RSU1: variants seen among roughly 807,000 people sequenced by gnomAD.
RSU1 encodes rsu-1.
A neutral mutation model predicts 31.1 loss-of-function variants in RSU1; 26 were observed. That is an observed-to-expected ratio of 0.84 (90% CI 0.61 to 1.16). The LOEUF (loss-of-function observed/expected upper bound fraction) is 1.16. Ranked by LOEUF, RSU1 falls within the 50% of genes most tolerant of loss-of-function variation. The pLI is 0.00. For missense variants in RSU1, 320 were observed against 339.1 expected, an observed-to-expected ratio of 0.94 and a Z score of 0.44; for synonymous variants, 164 against 136.3, an observed-to-expected ratio of 1.20 and a Z score of -1.41.
At chr10:16,627,182 G>A (rs1041362009) in intron 8 of RSU1, among the ~76,000 whole-genome samples, 2 of 152,158 alleles carry the variant, frequency 1.3e-5, no homozygotes, top group Non-Finnish European at 2.9e-5. Context: ...TAGATTCGCA[G>A]GATTTCTATG....
At chr10:16,737,541 T>C (rs1392760379) in intron 7 of RSU1, among the ~76,000 whole-genome samples, 2 of 151,722 alleles carry the variant, frequency 1.3e-5, no homozygotes, top group Non-Finnish European at 2.9e-5. Flanking sequence ...AATAAAAATA[T>C]TTCAGATAAA....
At chr10:16,742,473 C>T (rs904371378) in intron 7 of RSU1, among the ~76,000 whole-genome samples, 1 of 151,918 alleles carries the variant, frequency 6.6e-6, no homozygotes, top group Non-Finnish European at 1.5e-5. Flanking sequence ...TCAGTATAAC[C>T]TTGCTTTTTT....
At chr10:16,644,924 C>G (rs17138928) in intron 8 of RSU1, among the ~76,000 whole-genome samples, 5,811 of 152,094 alleles carry the variant, frequency 0.038, 325 homozygotes, top group East Asian at 0.19. Context: ...TCCAGAAAAC[C>G]CTATATTCCT....
At chr10:16,684,650 G>A (rs546352731) in intron 8 of RSU1, among the ~76,000 whole-genome samples, 7 of 152,256 alleles carry the variant, frequency 4.6e-5, no homozygotes, top group African/African-American at 1.7e-4. Context: ...CAATCCTGCT[G>A]ACACCTTGAT....
Position 16,663,109 on chromosome 10 carries a change from G to A in RSU1, c.731+31914C>T, listed in dbSNP as rs997691187. 3.3e-5 allele frequency among the ~76,000 whole-genome samples: 5 copies of A among 152,214 alleles called. No individual in the cohort carries two copies. The Middle Eastern group carries it at 0.01, about 311-fold the overall frequency. On this transcript the variant is annotated intron_variant, in intron 8 of 8. Coordinates refer to ENST00000345264, the MANE Select transcript of RSU1 (RefSeq NM_012425.4). ...TCTCAGATGGGTGCTTTCCCTTCAC[G>A]TTGCCTGAACACCTTTAAATATCTT...
At chr10:16,730,272 C>T (rs1306033200) in intron 7 of RSU1, among the ~76,000 whole-genome samples, 1 of 152,172 alleles carries the variant, frequency 6.6e-6, no homozygotes, top group African/African-American at 2.4e-5. Flanking sequence ...GCCCAACCTC[C>T]AGCACTGGGG....
chr10:16,608,110 C>G (rs1418524212), intron 8 of RSU1, among the ~76,000 whole-genome samples: 2 of 152,210 alleles, frequency 1.3e-5, no homozygotes, highest in African/African-American at 2.4e-5. Context: ...GGATTACAGG[C>G]GTGAGCCACC....
chr10:16,788,985 CT>C (rs1013598596), intron 2 of RSU1, among the ~76,000 whole-genome samples: 75 of 152,298 alleles, frequency 4.9e-4, no homozygotes, highest in African/African-American at 1.7e-3. Flanking sequence ...CAAAAGAAAA[CT>C]GAAGGTACTC....
chr10:16,729,899 A>T (rs1836473545), intron 7 of RSU1, among the ~76,000 whole-genome samples: 1 of 152,136 alleles, frequency 6.6e-6, no homozygotes, highest in South Asian at 2.1e-4. Context: ...GTGCTTGTGT[A>T]CCTGGGCTTA....
intron 8 of RSU1, among the ~76,000 whole-genome samples, chr10:16,601,991 C>A (rs75052640): frequency 0.013 from 2,015 of 152,280 alleles, 45 homozygotes; most frequent in African/African-American, 0.045. Flanking sequence ...AAAAATGGCT[C>A]ACTCAATCTG....
chr10:16,696,549 G>C (rs946223999), intron 7 of RSU1, among the ~76,000 whole-genome samples: 1 of 152,106 alleles, frequency 6.6e-6, no homozygotes, highest in Admixed American at 6.5e-5. Flanking sequence ...TAAATATCAA[G>C]AGAGAGTAAT....
chr10:16,681,340 A>G (rs1835324675), intron 8 of RSU1, among the ~76,000 whole-genome samples: 1 of 152,214 alleles, frequency 6.6e-6, no homozygotes, highest in African/African-American at 2.4e-5. Context: ...ATAAGTCTGA[A>G]GAATCGAAAC....
chr10:16,737,223 A>C (rs1039476622), intron 7 of RSU1, among the ~76,000 whole-genome samples: 6 of 152,154 alleles, frequency 3.9e-5, no homozygotes, highest in Non-Finnish European at 7.3e-5. Flanking sequence ...TTAATTTTAA[A>C]AAATGGCTGA....
Position 16,707,596 on chromosome 10 carries a change from C to G in RSU1, c.599-12441G>C, listed in dbSNP as rs76615745. ...TTTTTTTTTTTTTTGCTGTTATGAT[C>G]CTTTTATGTTCTGAATATTAACCTC... is the stretch of plus-strand genomic sequence containing the variant. On this transcript the variant is annotated intron_variant, in intron 7 of 8. Coordinates refer to ENST00000345264, the MANE Select transcript of RSU1 (RefSeq NM_012425.4). 9.3e-3 allele frequency among the ~76,000 whole-genome samples: 1,321 copies of G among 141,954 alleles called. 26 individuals carry two copies. Among genetic ancestry groups the G allele is most frequent in the East Asian group, 0.085 (409 of 4,808 alleles). The allele number at this position is 141,954 out of a possible 152,430, so 93.1% of individuals were successfully genotyped here. A position where few individuals can be genotyped will look rare whatever the true frequency, so the allele number is the denominator to read the frequency against.
chr10:16,798,337 T>C (rs1171965737), intron 2 of RSU1, among the ~76,000 whole-genome samples: 1 of 152,202 alleles, frequency 6.6e-6, no homozygotes, highest in African/African-American at 2.4e-5. Flanking sequence ...AGTTCTGATA[T>C]GGTTAGGCTG....
chr10:16,700,153 G>A (rs761774764), intron 7 of RSU1, among the ~76,000 whole-genome samples: 6 of 151,972 alleles, frequency 3.9e-5, no homozygotes, highest in African/African-American at 9.7e-5. Flanking sequence ...TGTGGCTAGC[G>A]GCACCATTTA....
At chr10:16,603,849 C>T (rs1457767931) in intron 8 of RSU1, among the ~76,000 whole-genome samples, 1 of 151,594 alleles carries the variant, frequency 6.6e-6, no homozygotes, top group Non-Finnish European at 1.5e-5. Context: ...TGTAATACAA[C>T]GATACACAAA....
At chr10:16,767,253 G>C (rs1374249291) in intron 3 of RSU1, 2 of 152,188 alleles carry the variant, frequency 1.3e-5, no homozygotes, top group African/African-American at 4.8e-5. Flanking sequence ...AGGAGAAAAT[G>C]ATGATCTCAA....
chr10:16,772,969 G>A lies in RSU1; in HGVS notation c.161-8459C>T, dbSNP rs138139001. Reference sequence around the variant, plus strand: ...CACCTGTAATCCCAGCACTTTGAGAGGCCGAGGTGGGTGGATTGCTGGAGC... The same window carrying A: ...CACCTGTAATCCCAGCACTTTGAGAAGCCGAGGTGGGTGGATTGCTGGAGC... On this transcript the variant is annotated intron_variant, in intron 3 of 8. Transcript: ENST00000345264. Among the ~76,000 whole-genome samples, 1,023 of 152,240 alleles carry A rather than the reference G, an allele frequency of 6.7e-3. 12 individuals are homozygous for A. The highest frequency in any genetic ancestry group is 0.021 in the African/African-American group (861 of 41,542).
Sources: gnomAD v4.1 joint callset for allele counts (sites outside exome capture counted in the v4.1 genomes callset) on GRCh38, gnomAD v4.1.1 for gene constraint, MANE v1.5 for transcripts, NCBI Gene and HGNC (gene_info 2026-07-23, HGNC 2026-07-21) for gene names.